The following CDH4 variants were observed in gnomAD, a reference collection of about 807,000 sequenced individuals.
CDH4 encodes the protein cadherin-4.
In CDH4, 33 loss-of-function variants were observed where a neutral mutation model predicts 86.0. The ratio of observed to expected loss-of-function variants is 0.38; its 90% CI spans 0.29 to 0.51. CDH4 has a LOEUF of 0.51. CDH4 is among the 20% of genes least tolerant of loss of function. The pLI is 0.86. For synonymous variants in CDH4, 555 were observed against 549.4 expected, an observed-to-expected ratio of 1.01 and a Z score of -0.14; for missense variants, 1,114 against 1,307.4, an observed-to-expected ratio of 0.85 and a Z score of 2.28.
intron 2 of CDH4, among the ~76,000 whole-genome samples, chr20:61,365,258 A>G (rs868679550): frequency 3.3e-5 from 5 of 152,188 alleles, no homozygotes; most frequent in African/African-American, 1.2e-4. Context: ...AATTCTACCA[A>G]GAGTCAACAT....
intron 2 of CDH4, among the ~76,000 whole-genome samples, chr20:61,602,073 C>T (rs2145745955): frequency 6.6e-6 from 1 of 152,334 alleles, no homozygotes; most frequent in Non-Finnish European, 1.5e-5. Context: ...GGGGGTGGAG[C>T]TGCGCCGTGC....
At chr20:61,934,552 A>AT (rs1162022522) in intron 15 of CDH4, among the ~76,000 whole-genome samples, 1 of 152,244 alleles carries the variant, frequency 6.6e-6, no homozygotes, top group East Asian at 1.9e-4. Context: ...CAGGAGGAGA[A>AT]TCAGCGGGGC....
chr20:61,479,673 T>G (rs2085558525), intron 2 of CDH4, among the ~76,000 whole-genome samples: 1 of 152,132 alleles, frequency 6.6e-6, no homozygotes, highest in South Asian at 2.1e-4. Flanking sequence ...GTGGGCTTGG[T>G]CTAGTTTTCT....
chr20:61,853,434 C>A lies in CDH4; in HGVS notation c.877+536C>A, dbSNP rs73915112. ...GAGGCCCGGACTCCCCCCACAGAGG[C>A]GATCCCATGTGACTGAGGCTGTCTG... On this transcript the variant is annotated intron_variant, in intron 6 of 15. Coordinates refer to ENST00000614565, the MANE Select transcript of CDH4 (RefSeq NM_001794.5). Among the ~76,000 whole-genome samples the A allele has an allele frequency of 2.6e-5, 4 of 152,276 alleles. No homozygotes were observed. The South Asian group carries it at 8.3e-4, about 32-fold the overall frequency.
At chr20:61,542,273 C>T (rs73320379) in intron 2 of CDH4, among the ~76,000 whole-genome samples, 2,911 of 152,298 alleles carry the variant, frequency 0.019, 86 homozygotes, top group African/African-American at 0.066. Flanking sequence ...CTGACCTTCA[C>T]ATGTGGCCAG....
chr20:61,613,452 C>T (rs1400074383), intron 2 of CDH4, among the ~76,000 whole-genome samples: 2 of 151,936 alleles, frequency 1.3e-5, no homozygotes, highest in African/African-American at 4.8e-5. Context: ...CCTAATATCG[C>T]CCTAGACACA....
rs571954092 is a variant in CDH4 at position 61,372,950 on chromosome 20, C to T, written c.169+118013C>T. On this transcript the variant is annotated intron_variant, in intron 2 of 15. Transcript: ENST00000614565. ...CGCAACCCCAGCCCCGTGCCCTCCG[C>T]GTCCTTGCATGCATTTCACACGATA... is the stretch of plus-strand genomic sequence containing the variant. 3.3e-5 allele frequency among the ~76,000 whole-genome samples: 5 copies of T among 152,404 alleles called. No homozygotes were observed. The South Asian group carries it at 1.0e-3, about 32-fold the overall frequency.
chr20:61,624,031 G>A (rs560548790), intron 2 of CDH4, among the ~76,000 whole-genome samples: 1 of 152,278 alleles, frequency 6.6e-6, no homozygotes, highest in African/African-American at 2.4e-5. Context: ...TGGTTCCAAC[G>A]TTTTCTCGCT....
intron 2 of CDH4, among the ~76,000 whole-genome samples, chr20:61,682,957 T>C (rs1160480538): frequency 6.6e-6 from 1 of 152,142 alleles, no homozygotes; most frequent in Admixed American, 6.5e-5. Flanking sequence ...TGAGAAAATG[T>C]ATAAGAACCA....
rs1274418799 is a variant in CDH4, at chr20:61,516,037, G to A, written c.170-227526G>A. ...CCCATCTTCCCCTGGGCTCTGGAACGCCCCCCCAATACGATTCCACCGCAG... is the reference window on the plus strand; with the variant it reads ...CCCATCTTCCCCTGGGCTCTGGAACACCCCCCCAATACGATTCCACCGCAG... On this transcript the variant is annotated intron_variant, in intron 2 of 15. Coordinates refer to ENST00000614565, the MANE Select transcript of CDH4 (RefSeq NM_001794.5). The surrounding 1 kb of genome is among the most constrained non-coding windows in gnomAD (Gnocchi z 4.0). Among the ~76,000 whole-genome samples, 2 of 151,878 alleles carry A rather than the reference G, an allele frequency of 1.3e-5. No homozygotes were observed. The highest frequency in any genetic ancestry group is 2.1e-4 in the South Asian group (1 of 4,794).
chr20:61,565,373 TGGTCCTCTTGGTGATGG>T (rs1349119517), intron 2 of CDH4, among the ~76,000 whole-genome samples: 2 of 14,098 alleles, frequency 1.4e-4, no homozygotes, highest in Non-Finnish European at 2.3e-4. Context: ...ATGGTGGTGG[TGGTCCTCTTGGTGATGG>T]GGTGATGGTG....
intron 2 of CDH4, among the ~76,000 whole-genome samples, chr20:61,547,138 A>AC (rs1393923613): frequency 7.3e-6 from 1 of 137,888 alleles, no homozygotes; most frequent in Non-Finnish European, 1.6e-5. Context: ...ACTCCCCAAG[A>AC]CCCCCAAGTG....
chr20:61,505,299 AC>A (rs1331224842), intron 2 of CDH4, among the ~76,000 whole-genome samples: 1 of 152,142 alleles, frequency 6.6e-6, no homozygotes, highest in Admixed American at 6.5e-5. Context: ...GTGGAAAGGA[AC>A]CCTGAACCCT....
At chr20:61,426,707 C>T (rs538788788) in intron 2 of CDH4, among the ~76,000 whole-genome samples, 1 of 152,334 alleles carries the variant, frequency 6.6e-6, no homozygotes, top group African/African-American at 2.4e-5. Context: ...GTGACCTGAG[C>T]TGTTGACACC....
intron 13 of CDH4, among the ~76,000 whole-genome samples, chr20:61,932,306 G>C (rs77203841): frequency 0.033 from 4,985 of 152,270 alleles, 269 homozygotes; most frequent in African/African-American, 0.11. Context: ...AGGAGGGCGA[G>C]CTTGTAAATC....
At chr20:61,641,646 C>T (rs1304385521) in intron 2 of CDH4, among the ~76,000 whole-genome samples, 3 of 150,192 alleles carry the variant, frequency 2.0e-5, no homozygotes, top group African/African-American at 7.4e-5. Context: ...CACCACAGCA[C>T]CCAGGACACC....
At chr20:61,444,908 CGTGT>C (rs1004908244) in intron 2 of CDH4, among the ~76,000 whole-genome samples, 1 of 138,214 alleles carries the variant, frequency 7.2e-6, no homozygotes, top group Non-Finnish European at 1.6e-5. Context: ...TGTGTGTCTG[CGTGT>C]GTGTGTCTGT....
chr20:61,627,880 C>A (rs1476830582), intron 2 of CDH4, among the ~76,000 whole-genome samples: 1 of 152,096 alleles, frequency 6.6e-6, no homozygotes, highest in Non-Finnish European at 1.5e-5. Context: ...GTCGGTGTCC[C>A]CCAGCGAGGC....
chr20:61,252,534 G>C lies in CDH4; in HGVS notation c.21G>C (p.Val7=), dbSNP rs1161600763. The change falls in exon 1 of 16, where the codon GTG becomes GTC. Residue 7 remains valine, a synonymous_variant. Coordinates refer to ENST00000614565, the MANE Select transcript of CDH4 (RefSeq NM_001794.5). This position sits in a 1 kb window ranked among gnomAD's most constrained non-coding sequence, Gnocchi z 4.4. MTAGAG[V]LLLLLSLSGA... The stretch of plus-strand genomic sequence containing the variant: ...GGAAGATGACCGCGGGCGCCGGCGT[G>C]CTCCTTCTGCTGCTCTCGCTCTCCG... 5.0e-6 allele frequency: 6 copies of C among 1,198,602 alleles called. No homozygotes were observed. The highest frequency in any genetic ancestry group is 3.2e-5 in the African/African-American group (2 of 62,850). The allele number at this position is 1,198,602 out of a possible 1,614,324, so 74.2% of individuals were successfully genotyped here.
Sources: allele counts gnomAD v4.1 joint callset (sites outside exome capture counted in the v4.1 genomes callset), GRCh38; gene constraint gnomAD v4.1.1; non-coding constraint Gnocchi (gnomAD v3.1); transcripts MANE v1.5; gene names NCBI Gene and HGNC (gene_info 2026-07-23, HGNC 2026-07-21).